Variants in FHIT observed in about 807,000 individuals in gnomAD.
The protein encoded by FHIT is fragile histidine triad diadenosine triphosphatase.
A neutral mutation model predicts 17.9 loss-of-function variants in FHIT; 19 were observed. The ratio of observed to expected loss-of-function variants is 1.06; its 90% confidence interval spans 0.74 to 1.56. The LOEUF (loss-of-function observed/expected upper bound fraction) is 1.56, where lower values mean the gene tolerates loss of function less well. Among genes scored for constraint, FHIT ranks in the 40% most tolerant of loss-of-function variants. The pLI is 0.00. For synonymous variants in FHIT, 81 were observed against 69.7 expected, an observed-to-expected ratio of 1.16 and a Z score of -0.81; for missense variants, 248 against 189.2, an observed-to-expected ratio of 1.31 and a Z score of -1.82.
chr3:60,848,195 C>CTT (rs1349048755), intron 3 of FHIT, among the ~76,000 whole-genome samples: 1 of 152,086 alleles, frequency 6.6e-6, no homozygotes, highest in African/African-American at 2.4e-5. Flanking sequence ...GTTTAGCTTT[C>CTT]TTTTATTTCC....
At chr3:60,492,785 TTGAC>T (rs963468785) in intron 5 of FHIT, among the ~76,000 whole-genome samples, 12 of 152,144 alleles carry the variant, frequency 7.9e-5, no homozygotes, top group African/African-American at 2.7e-4. Context: ...ATTTTTTAGT[TTGAC>T]TGTCTATAGC....
intron 5 of FHIT, among the ~76,000 whole-genome samples, chr3:60,370,165 G>A (rs1700268734): frequency 6.6e-6 from 1 of 151,884 alleles, no homozygotes; most frequent in South Asian, 2.1e-4. Context: ...CGTCACCTGT[G>A]TTAAGTTTAT....
chr3:60,309,298 G>T (rs1010097694), intron 5 of FHIT, among the ~76,000 whole-genome samples: 16 of 151,966 alleles, frequency 1.1e-4, no homozygotes, highest in African/African-American at 3.6e-4. Flanking sequence ...AAGGGTGGGT[G>T]GGGATGGTTA....
chr3:60,356,711 A>G (rs1699666158), intron 5 of FHIT, among the ~76,000 whole-genome samples: 1 of 145,850 alleles, frequency 6.9e-6, no homozygotes, highest in Admixed American at 7.2e-5. Flanking sequence ...TTCCTACGGA[A>G]AATTAAACAA....
At chr3:60,233,211 G>C (rs1704592203) in intron 5 of FHIT, among the ~76,000 whole-genome samples, 1 of 152,156 alleles carries the variant, frequency 6.6e-6, no homozygotes. Context: ...ACTGCACTTA[G>C]AGAGTAAAAT....
At chr3:60,344,845 T>C (rs1488350275) in intron 5 of FHIT, among the ~76,000 whole-genome samples, 2 of 151,724 alleles carry the variant, frequency 1.3e-5, no homozygotes, top group Non-Finnish European at 2.9e-5. Flanking sequence ...AGCCAAGATA[T>C]CATAAAAGTC....
chr3:60,968,529 C>T (rs1709856153), intron 3 of FHIT, among the ~76,000 whole-genome samples: 1 of 151,466 alleles, frequency 6.6e-6, no homozygotes, highest in South Asian at 2.1e-4. Context: ...TCTCCTGCTT[C>T]AGCCTCCCGT....
chr3:59,888,432 G>A (rs1423458430), intron 8 of FHIT, among the ~76,000 whole-genome samples: 1 of 152,128 alleles, frequency 6.6e-6, no homozygotes, highest in Non-Finnish European at 1.5e-5. Flanking sequence ...GGCCCAAATT[G>A]AAGGCAAAGC....
chr3:60,161,991 T>G (rs534224862), intron 5 of FHIT, among the ~76,000 whole-genome samples: 7 of 152,012 alleles, frequency 4.6e-5, no homozygotes, highest in African/African-American at 1.7e-4. Flanking sequence ...AAACCGGACG[T>G]TGGAAAGAAT....
chr3:60,522,196 G>GC (rs1457967220), intron 5 of FHIT, among the ~76,000 whole-genome samples: 1 of 143,988 alleles, frequency 6.9e-6, no homozygotes, highest in Admixed American at 7.3e-5. Flanking sequence ...TGCAACTTCT[G>GC]CCCCCCTGAG....
chr3:60,440,545 A>G (rs1317372638), intron 5 of FHIT, among the ~76,000 whole-genome samples: 3 of 152,116 alleles, frequency 2.0e-5, no homozygotes, highest in Non-Finnish European at 2.9e-5. Flanking sequence ...CAGCAATCCT[A>G]TAAAGTACTA....
At chr3:60,494,352 A>G (rs76461156) in intron 5 of FHIT, among the ~76,000 whole-genome samples, 3,595 of 152,304 alleles carry the variant, frequency 0.024, 161 homozygotes, top group African/African-American at 0.082. Context: ...GTAGGTACAT[A>G]GTTGTATATA....
At chr3:60,328,418 G>A (rs921991099) in intron 5 of FHIT, among the ~76,000 whole-genome samples, 17 of 152,190 alleles carry the variant, frequency 1.1e-4, no homozygotes, top group South Asian at 2.1e-4. Flanking sequence ...GGAGGAAGGC[G>A]AAGGAAGAGT....
At chr3:60,831,015 AG>A (rs1702309063) in intron 3 of FHIT, among the ~76,000 whole-genome samples, 1 of 152,230 alleles carries the variant, frequency 6.6e-6, no homozygotes, top group South Asian at 2.1e-4. Context: ...TCTGACAGAT[AG>A]AAAATCTTTA....
At chr3:60,953,671 C>T (rs1329553629) in intron 3 of FHIT, among the ~76,000 whole-genome samples, 2 of 152,160 alleles carry the variant, frequency 1.3e-5, no homozygotes, top group African/African-American at 4.8e-5. Flanking sequence ...TCCCAACCCG[C>T]CAATGACTCT....
chr3:60,499,645 C>G (rs985984527), intron 5 of FHIT, among the ~76,000 whole-genome samples: 1 of 150,756 alleles, frequency 6.6e-6, no homozygotes, highest in Non-Finnish European at 1.5e-5. Flanking sequence ...TCCCAAAGTC[C>G]TGGGATTACA....
At chr3:60,472,572 T>C (rs2033143599) in intron 5 of FHIT, among the ~76,000 whole-genome samples, 1 of 152,088 alleles carries the variant, frequency 6.6e-6, no homozygotes, top group Non-Finnish European at 1.5e-5. Flanking sequence ...GGTTTCATCA[T>C]GTTAGCCAGG....
intron 8 of FHIT, among the ~76,000 whole-genome samples, chr3:59,799,240 G>A (rs1033075033): frequency 6.6e-6 from 1 of 152,174 alleles, no homozygotes; most frequent in Non-Finnish European, 1.5e-5. Context: ...GACTGGGCAG[G>A]TCTTGGGAAG....
At chr3:59,767,422 C>T (rs565009258) in intron 8 of FHIT, among the ~76,000 whole-genome samples, 21 of 152,044 alleles carry the variant, frequency 1.4e-4, no homozygotes, top group Non-Finnish European at 2.9e-4. Flanking sequence ...TTGCTTGAAC[C>T]CGGGAGGTGA....
Sources: allele counts gnomAD v4.1 joint callset (sites outside exome capture counted in the v4.1 genomes callset), GRCh38; gene constraint gnomAD v4.1.1; transcripts MANE v1.5; gene names NCBI Gene and HGNC (gene_info 2026-07-23, HGNC 2026-07-21).